ZFX: variants seen among roughly 807,000 people sequenced by gnomAD.
The protein encoded by ZFX is zinc finger X-chromosomal protein.
For synonymous variants in ZFX, 196 were observed against 226.8 expected (o/e 0.86, Z 1.22); for missense variants, 362 against 628.3 (o/e 0.58, Z 4.53).
chrX:24,187,171 T>C (rs1017322267), intron 5 of ZFX, among the ~76,000 whole-genome samples: 2 of 112,145 alleles, frequency 1.8e-5, no homozygotes, highest in Non-Finnish European at 3.8e-5. Context: ...AGTGGCTATC[T>C]GCAGGTCTGA....
At chrX:24,165,131 C>T (rs867044039) in intron 3 of ZFX, among the ~76,000 whole-genome samples, 1 of 109,364 alleles carries the variant, frequency 9.1e-6, no homozygotes, top group Non-Finnish European at 1.9e-5. Context: ...TCTTTTCTTT[C>T]TTTTTTTTGA....
chrX:24,171,776 A>G (rs765524381), intron 3 of ZFX, among the ~76,000 whole-genome samples: 4 of 111,014 alleles, frequency 3.6e-5, no homozygotes, highest in Non-Finnish European at 5.7e-5. Flanking sequence ...GTCTAGAACC[A>G]GGAGCTAAAC....
intron 5 of ZFX, among the ~76,000 whole-genome samples, chrX:24,200,999 A>T (rs1937257997): frequency 1.8e-5 from 2 of 112,378 alleles, no homozygotes; most frequent in African/African-American, 6.5e-5. Flanking sequence ...CTAGTTCTTC[A>T]TTACTACATT....
Position 24,208,281 on chromosome X carries a change from C to T in ZFX, c.1004C>T (p.Ala335Val), listed in dbSNP as rs776080622. 9.1e-6 allele frequency: 11 copies of T among 1,208,405 alleles called. No homozygotes were observed. The highest frequency in any genetic ancestry group is 1.1e-5 in the Non-Finnish European group (10 of 894,737). ...ATCGTAGGAGAGGAGGATGCTGCAG[C>T]AGCAGCGGCAGCCGCCGCCGTGCAC... ...EVIVGEEDAA[A>V]AAAAAAVHEQ... Residue 335 changes from alanine (A) to valine (V), a missense_variant, in exon 8 of 10, where the codon GCA (alanine) becomes GTA (valine). Coordinates refer to ENST00000304543, the MANE Select transcript of ZFX (RefSeq NM_003410.4).
intron 3 of ZFX, among the ~76,000 whole-genome samples, chrX:24,156,585 T>A (rs1932798948): frequency 1.8e-5 from 2 of 111,615 alleles, no homozygotes; most frequent in African/African-American, 3.3e-5. Context: ...TGTATCTGTT[T>A]TTAGTTTCTC....
At chrX:24,186,491 C>T (rs2147780596) in intron 5 of ZFX, among the ~76,000 whole-genome samples, 1 of 110,737 alleles carries the variant, frequency 9.0e-6, no homozygotes, top group South Asian at 3.9e-4. Context: ...GGTGTGGTGG[C>T]ATGTGCCTGT....
intron 5 of ZFX, among the ~76,000 whole-genome samples, chrX:24,201,492 A>G (rs1424240334): frequency 8.9e-6 from 1 of 112,736 alleles, no homozygotes; most frequent in East Asian, 2.8e-4. Flanking sequence ...CTTTGTAAAC[A>G]CAAGGACATT....
chrX:24,203,795 G>A (rs1001511541), intron 5 of ZFX, among the ~76,000 whole-genome samples: 8 of 111,741 alleles, frequency 7.2e-5, no homozygotes, highest in African/African-American at 2.3e-4. Flanking sequence ...ACCTGAGTGA[G>A]GTATCTTTCC....
intron 5 of ZFX, among the ~76,000 whole-genome samples, chrX:24,202,678 T>C (rs1418584713): frequency 8.9e-6 from 1 of 112,031 alleles, no homozygotes; most frequent in Non-Finnish European, 1.9e-5. Flanking sequence ...CCCAGGACTC[T>C]GTCCTCACAC....
chrX:24,184,955 C>CTATTATTAT (rs61158922), intron 5 of ZFX, among the ~76,000 whole-genome samples: 1 of 109,069 alleles, frequency 9.2e-6, no homozygotes, highest in African/African-American at 3.4e-5. Flanking sequence ...TTTGTCTTCT[C>CTATTATTAT]TATTATTATG....
intron 5 of ZFX, chrX:24,207,074 A>T (rs1026525314): frequency 3.7e-6 from 1 of 271,433 alleles, no homozygotes; most frequent in Non-Finnish European, 6.5e-6. Flanking sequence ...TCTACTAAAA[A>T]TACAAAAAAT....
chrX:24,167,048 C>T (rs1252845574), intron 3 of ZFX, among the ~76,000 whole-genome samples: 2 of 111,687 alleles, frequency 1.8e-5, no homozygotes, highest in Non-Finnish European at 3.8e-5. Context: ...TATAGGTGCC[C>T]GCAATGGTTT....
chrX:24,197,582 A>G (rs1280277552), intron 5 of ZFX, among the ~76,000 whole-genome samples: 1 of 112,401 alleles, frequency 8.9e-6, no homozygotes, highest in Non-Finnish European at 1.9e-5. Flanking sequence ...ACAAACACAC[A>G]TAAGTGAAAT....
intron 5 of ZFX, among the ~76,000 whole-genome samples, chrX:24,192,577 A>G (rs1936606155): frequency 9.0e-6 from 1 of 111,269 alleles, no homozygotes; most frequent in African/African-American, 3.3e-5. Flanking sequence ...AGATCTTTTC[A>G]ATCTTTATTG....
rs1160025547 is a variant in ZFX at position 24,214,651 on chromosome X, TAA to T, written c.*3276_*3277del. 8.9e-6 allele frequency: 1 copy of T among 112,310 alleles called. No homozygotes were observed. Among genetic ancestry groups the T allele is most frequent in the African/African-American group, 3.2e-5 (1 of 30,891 alleles). 9.3% of individuals were successfully genotyped at this position (112,310 alleles called of 1,213,427 possible). A position where few individuals can be genotyped will look rare whatever the true frequency, so the allele number is the denominator to read the frequency against. ...TTTGCAAGTAATATTTCAGAGAAGTTAAGAGGTGATTGGTGAGTCCTTTGATG... is the reference window on the plus strand; with the variant it reads ...TTTGCAAGTAATATTTCAGAGAAGTTGAGGTGATTGGTGAGTCCTTTGATG... On this transcript the variant is annotated 3_prime_UTR_variant, in exon 10 of 10. Coordinates refer to ENST00000304543, the MANE Select transcript of ZFX (RefSeq NM_003410.4).
At chrX:24,163,023 TATTTA>T (rs907372884) in intron 3 of ZFX, among the ~76,000 whole-genome samples, 10 of 111,749 alleles carry the variant, frequency 8.9e-5, no homozygotes, top group Non-Finnish European at 1.9e-4. Context: ...GTATCCTATT[TATTTA>T]ATTTGTTAAC....
rs201998336 is a variant in ZFX, at chrX:24,177,477, CG to C, written c.59-1703del. Among the ~76,000 whole-genome samples, 1,023 of 110,591 alleles carry C rather than the reference CG, an allele frequency of 9.3e-3. 16 individuals are homozygous for C. The highest frequency in any genetic ancestry group is 0.031 in the African/African-American group (943 of 30,389). Reference sequence around the variant, plus strand: ...CCTTGGGAGTTCGGGTCTAGGGGGACGGGAGGAGGCTAGATGGAGGCAACGT... The same window carrying C: ...CCTTGGGAGTTCGGGTCTAGGGGGACGGAGGAGGCTAGATGGAGGCAACGT... On this transcript the variant is annotated intron_variant, in intron 4 of 9. Transcript: ENST00000304543.
chrX:24,175,818 A>G (rs1199123703), intron 4 of ZFX, among the ~76,000 whole-genome samples: 1 of 110,787 alleles, frequency 9.0e-6, no homozygotes, highest in Non-Finnish European at 1.9e-5. Context: ...ACCTCAAGTG[A>G]TTCGCCTGCC....
At chrX:24,161,360 C>T (rs1933284644) in intron 3 of ZFX, among the ~76,000 whole-genome samples, 1 of 112,399 alleles carries the variant, frequency 8.9e-6, no homozygotes, top group African/African-American at 3.2e-5. Context: ...GCTGTTGCTG[C>T]TGCCACTGCT....
Sources: gnomAD v4.1 joint callset for allele counts (sites outside exome capture counted in the v4.1 genomes callset) on GRCh38, gnomAD v4.1.1 for gene constraint, MANE v1.5 for transcripts, NCBI Gene and HGNC (gene_info 2026-07-23, HGNC 2026-07-21) for gene names.